The following CELSR1 variants were observed in gnomAD, a reference collection of about 807,000 sequenced individuals.
CELSR1 encodes the protein cadherin EGF LAG seven-pass G-type receptor 1, also known as adhesion G protein-coupled receptor C1.
Under a neutral mutation model 249.1 loss-of-function variants are expected in CELSR1, and 110 were observed. The observed-to-expected ratio is 0.44, with a 90% CI of 0.38 to 0.52. The LOEUF (loss-of-function observed/expected upper bound fraction) is 0.52. Among genes scored for constraint, CELSR1 ranks in the 20% least tolerant of loss-of-function variants. The probability of loss-of-function intolerance (pLI) is 0.00; values close to 1 mark genes in which losing one functional copy is unlikely to be tolerated. For synonymous variants in CELSR1, 2,113 were observed against 1,900.0 expected (o/e 1.11, Z -2.92); for missense variants, 4,109 against 4,296.4 (o/e 0.96, Z 1.22).
chr22:46,405,636 CAG>C (rs974241336), intron 9 of CELSR1, among the ~76,000 whole-genome samples: 3 of 152,088 alleles, frequency 2.0e-5, no homozygotes, highest in Non-Finnish European at 4.4e-5. Context: ...AGCTCTCAGT[CAG>C]AGAGGCATTC....
rs1376896225 is a variant in CELSR1, at chr22:46,409,458, G to A, written c.5060-296C>T. Among the ~76,000 whole-genome samples, 3 of 152,166 alleles carry A rather than the reference G, an allele frequency of 2.0e-5. No homozygotes were observed. Among genetic ancestry groups the A allele is most frequent in the Non-Finnish European group, 4.4e-5 (3 of 68,020 alleles). Reference sequence around the variant, plus strand: ...CTCAGGCTTGACAGGAGGCAGACGGGGGCGGGTTCAGGATCCCTGGGCTCC... The same window carrying A: ...CTCAGGCTTGACAGGAGGCAGACGGAGGCGGGTTCAGGATCCCTGGGCTCC... On this transcript the variant is annotated intron_variant, in intron 8 of 34. Transcript: ENST00000674500. This position sits in a 1 kb window ranked among gnomAD's most constrained non-coding sequence, Gnocchi z 9.8.
rs758601857 is a variant in CELSR1 at position 46,390,434 on chromosome 22, G to T, written c.6303C>A (p.Leu2101=). 26 of 1,613,834 alleles carry T rather than the reference G, an allele frequency of 1.6e-5. No homozygotes were observed. Among genetic ancestry groups the T allele is most frequent in the Non-Finnish European group, 2.2e-5 (26 of 1,179,968 alleles). ...CGAAGGAGATGGTGGTACAGTTAAA[G>T]AGCTCTGGGGGCAGCCAGCCCTTCT... is the stretch of plus-strand genomic sequence containing the variant. ...SGEKGWLPPE[L]FNCTTISFVD... is the part of the protein sequence containing the mutation. The change falls in exon 17 of 35, where the codon CTC becomes CTA. Residue 2101 remains leucine, a synonymous_variant. Coordinates refer to ENST00000674500, the MANE Select transcript of CELSR1 (RefSeq NM_001378328.1). This position sits in a 1 kb window ranked among gnomAD's most constrained non-coding sequence, Gnocchi z 6.3.
Position 46,446,395 on chromosome 22 carries a change from A to G in CELSR1, c.4184-6984T>C, listed in dbSNP as rs1891284453. Among the ~76,000 whole-genome samples the G allele has an allele frequency of 6.6e-6, 1 of 151,404 alleles. No individual in the cohort carries two copies. The highest frequency in any genetic ancestry group is 1.5e-5 in the Non-Finnish European group (1 of 67,868). On this transcript the variant is annotated intron_variant, in intron 2 of 34. Transcript: ENST00000674500. This position sits in a 1 kb window ranked among gnomAD's most constrained non-coding sequence, Gnocchi z 5.5. ...CCCTGGGGGCTCTCATGGACTCAAA[A>G]TCTCCCCTCTCCAGCAATCGCCCCA...
chr22:46,397,277 CTTTTTTT>C lies in CELSR1; in HGVS notation c.5701+390_5701+396del, dbSNP rs528088887. On this transcript the variant is annotated intron_variant, in intron 12 of 34. Transcript: ENST00000674500. ...TGCCACCATGCCTGGCTAATTTTTG[CTTTTTTT>C]TTTTTTTTTTTTTTTTTCGTAGAGA... Among the ~76,000 whole-genome samples, 739 of 78,740 alleles carry C rather than the reference CTTTTTTT, an allele frequency of 9.4e-3. 6 individuals carry two copies. The highest frequency in any genetic ancestry group is 0.028 in the Middle Eastern group (3 of 108). The allele number at this position is 78,740 out of a possible 152,430, so 51.7% of individuals were successfully genotyped here. A position where few individuals can be genotyped will look rare whatever the true frequency, so the allele number is the denominator to read the frequency against.
At chr22:46,469,968 G>A (rs2080137180) in intron 1 of CELSR1, among the ~76,000 whole-genome samples, 1 of 100,460 alleles carries the variant, frequency 1.0e-5, no homozygotes, top group Non-Finnish European at 2.2e-5. Flanking sequence ...TGGAAGAAAG[G>A]GAGGGAGGGA....
rs2079014113 is a variant in CELSR1, at chr22:46,384,688, TG to T, written c.6740-3del. 2 of 1,611,184 alleles carry T rather than the reference TG, an allele frequency of 1.2e-6. No individual in the cohort carries two copies. The highest frequency in any genetic ancestry group is 1.7e-5 in the Admixed American group (1 of 59,572). On this transcript the variant is annotated splice_polypyrimidine_tract_variant and splice_region_variant and intron_variant, in intron 19 of 34. Transcript: ENST00000674500. ...TGTCAAAGATGTCGACAGCAAGAAC[TG>T]GGGGGACAGTTCCTTTAATCAGACA...
chr22:46,411,363 T>C lies in CELSR1; in HGVS notation c.4769+239A>G, dbSNP rs11090877. Among the ~76,000 whole-genome samples the C allele has an allele frequency of 0.21, 31,522 of 152,050 alleles. 5,938 individuals are homozygous for C. Among genetic ancestry groups the C allele is most frequent in the African/African-American group, 0.51 (21,019 of 41,368 alleles). On this transcript the variant is annotated intron_variant, in intron 6 of 34. Coordinates refer to ENST00000674500, the MANE Select transcript of CELSR1 (RefSeq NM_001378328.1). The surrounding 1 kb of genome is among the most constrained non-coding windows in gnomAD (Gnocchi z 4.2). Reference sequence around the variant, plus strand: ...GGAGACCGTCTCGGGGTCTGCAAGCTGGCCATCACAACCCTGGGGTCGGCC... The same window carrying C: ...GGAGACCGTCTCGGGGTCTGCAAGCCGGCCATCACAACCCTGGGGTCGGCC...
chr22:46,413,441 C>T lies in CELSR1; in HGVS notation c.4612-1682G>A, dbSNP rs887916922. ...TCCTCCCTCTTATCCAATCATCTAA[C>T]GTGAGTGAGACCCATGACTGTACCT... On this transcript the variant is annotated intron_variant, in intron 5 of 34. Coordinates refer to ENST00000674500, the MANE Select transcript of CELSR1 (RefSeq NM_001378328.1). This position sits in a 1 kb window ranked among gnomAD's most constrained non-coding sequence, Gnocchi z 4.7. Among the ~76,000 whole-genome samples, 4 of 152,196 alleles carry T rather than the reference C, an allele frequency of 2.6e-5. No individual in the cohort carries two copies. The highest frequency in any genetic ancestry group is 2.4e-5 in the African/African-American group (1 of 41,454).
chr22:46,458,082 C>T (rs1755373375), intron 2 of CELSR1, among the ~76,000 whole-genome samples: 1 of 151,110 alleles, frequency 6.6e-6, no homozygotes, highest in Non-Finnish European at 1.5e-5. Flanking sequence ...GCAAACACCA[C>T]CATGGGGGTG....
chr22:46,536,821 C>A lies in CELSR1; in HGVS notation c.350G>T (p.Arg117Leu), dbSNP rs2080863137. 2.5e-6 allele frequency: 3 copies of A among 1,206,954 alleles called. No individual in the cohort carries two copies. Among genetic ancestry groups the A allele is most frequent in the South Asian group, 3.1e-5 (1 of 32,180 alleles). The allele number at this position is 1,206,954 out of a possible 1,614,324, so 74.8% of individuals were successfully genotyped here. A position where few individuals can be genotyped will look rare whatever the true frequency, so the allele number is the denominator to read the frequency against. Residue 117 changes from arginine (R) to leucine (L), a missense_variant, in exon 1 of 35, where the codon CGT becomes CTT. Coordinates refer to ENST00000674500, the MANE Select transcript of CELSR1 (RefSeq NM_001378328.1). ...ARTHLPGCGARARLCGTGARL... is the reference protein window; with the variant it reads ...ARTHLPGCGALARLCGTGARL... The stretch of plus-strand genomic sequence containing the variant: ...GGCACCGGTTCCGCAGAGCCGGGCA[C>A]GGGCTCCGCAGCCGGGAAGGTGCGT...
At chr22:46,520,483 G>A (rs561727259) in intron 1 of CELSR1, among the ~76,000 whole-genome samples, 44 of 152,014 alleles carry the variant, frequency 2.9e-4, no homozygotes, top group Admixed American at 5.2e-4. Context: ...TTTTTGAGAC[G>A]GAGTCTTGCT....
At chr22:46,509,845 T>G (rs1192627928) in intron 1 of CELSR1, among the ~76,000 whole-genome samples, 1 of 152,034 alleles carries the variant, frequency 6.6e-6, no homozygotes, top group South Asian at 2.1e-4. Context: ...AGGGGCTCAG[T>G]CCAGGGACCC....
At chr22:46,414,368 C>A (rs2079372724) in intron 5 of CELSR1, among the ~76,000 whole-genome samples, 1 of 152,240 alleles carries the variant, frequency 6.6e-6, no homozygotes, top group South Asian at 2.1e-4. Flanking sequence ...GAGGGCTGCA[C>A]AGAGGAGCGG....
chr22:46,393,480 G>A lies in CELSR1; in HGVS notation c.5964+662C>T, dbSNP rs1413061792. Among the ~76,000 whole-genome samples the A allele has an allele frequency of 1.3e-5, 2 of 152,216 alleles. No individual in the cohort carries two copies. Reference sequence around the variant, plus strand: ...TGGCCAGGCACGGTGGCTCACGCCTGTAATCCCAGCACTCTGGGAGGCTGA... The same window carrying A: ...TGGCCAGGCACGGTGGCTCACGCCTATAATCCCAGCACTCTGGGAGGCTGA... On this transcript the variant is annotated intron_variant, in intron 14 of 34. Coordinates refer to ENST00000674500, the MANE Select transcript of CELSR1 (RefSeq NM_001378328.1). This position sits in a 1 kb window ranked among gnomAD's most constrained non-coding sequence, Gnocchi z 4.1.
intron 2 of CELSR1, among the ~76,000 whole-genome samples, chr22:46,461,522 G>A (rs892095875): frequency 5.3e-5 from 8 of 152,186 alleles, no homozygotes; most frequent in Middle Eastern, 3.2e-3. Context: ...GAAGGCCGAT[G>A]CAGGTCTCAA....
Position 46,474,000 on chromosome 22 carries a change from G to A in CELSR1, c.3545-9655C>T, listed in dbSNP as rs1011422035. The stretch of plus-strand genomic sequence containing the variant: ...GCACTTTCAGGGTTGGGTGTGCGGC[G>A]CATGTCAGGATGTCAAGCCACGAGA... On this transcript the variant is annotated intron_variant, in intron 1 of 34. Transcript: ENST00000674500. This position sits in a 1 kb window ranked among gnomAD's most constrained non-coding sequence, Gnocchi z 6.6. Among the ~76,000 whole-genome samples the A allele has an allele frequency of 1.3e-5, 2 of 152,144 alleles. No homozygotes were observed. The highest frequency in any genetic ancestry group is 2.4e-5 in the African/African-American group (1 of 41,418).
chr22:46,377,486 CA>C, intron 23 of CELSR1: 1 of 573,258 alleles, frequency 1.7e-6, no homozygotes, highest in Non-Finnish European at 3.1e-6. Context: ...CCTGCGGCAG[CA>C]CGCCAGGCTC....
chr22:46,433,590 G>A lies in CELSR1; in HGVS notation c.4523-109C>T, dbSNP rs376660358. On this transcript the variant is annotated intron_variant, in intron 4 of 34. Coordinates refer to ENST00000674500, the MANE Select transcript of CELSR1 (RefSeq NM_001378328.1). The surrounding 1 kb of genome is among the most constrained non-coding windows in gnomAD (Gnocchi z 5.7). ...GGGGGAGACAGGTGCACATGGCCAC[G>A]TCCTCCCTCCCCTCCCCACGGCACC... The A allele has an allele frequency of 1.9e-4, 139 of 742,714 alleles. No individual in the cohort carries two copies. The East Asian group carries it at 2.2e-3, about 12-fold the overall frequency. The allele number at this position is 742,714 out of a possible 1,614,324, so 46.0% of individuals were successfully genotyped here. A position where few individuals can be genotyped will look rare whatever the true frequency, so the allele number is the denominator to read the frequency against.
rs1354889980 is a variant in CELSR1, at chr22:46,398,656, C to T, written c.5413-19G>A. On this transcript the variant is annotated intron_variant, in intron 10 of 34. Transcript: ENST00000674500. The surrounding 1 kb of genome is among the most constrained non-coding windows in gnomAD (Gnocchi z 7.2). Reference sequence around the variant, plus strand: ...CCTTGTTCTGTGCGGAGAGAGGGGCCGGGGATCTGGGGGCTGCATCCACCA... The same window carrying T: ...CCTTGTTCTGTGCGGAGAGAGGGGCTGGGGATCTGGGGGCTGCATCCACCA... 6.3e-6 allele frequency: 10 copies of T among 1,587,148 alleles called. No homozygotes were observed. Among genetic ancestry groups the T allele is most frequent in the East Asian group, 2.3e-5 (1 of 44,392 alleles).
Sources: allele counts gnomAD v4.1 joint callset (sites outside exome capture counted in the v4.1 genomes callset), GRCh38; gene constraint gnomAD v4.1.1; non-coding constraint Gnocchi (gnomAD v3.1); transcripts MANE v1.5; gene names NCBI Gene and HGNC (gene_info 2026-07-23, HGNC 2026-07-21).